Variants in SMG6 observed in about 807,000 individuals in gnomAD.
SMG6 encodes SMG6 nonsense mediated mRNA decay factor.
Under a neutral mutation model 142.2 loss-of-function variants are expected in SMG6, and 66 were observed. The ratio of observed to expected loss-of-function variants is 0.46; its 90% CI spans 0.38 to 0.57. The LOEUF (loss-of-function observed/expected upper bound fraction) is 0.57, where lower values mean the gene tolerates loss of function less well. Ranked by LOEUF, SMG6 falls within the 20% of genes least tolerant of loss-of-function variation. The probability of loss-of-function intolerance (pLI) is 0.00; values close to 1 mark genes in which losing one functional copy is unlikely to be tolerated. For synonymous variants in SMG6, 779 were observed against 702.4 expected (o/e 1.11, Z -1.72); for missense variants, 1,793 against 1,832.0 (o/e 0.98, Z 0.39).
chr17:2,298,502 G>A (rs974538926), intron 2 of SMG6, among the ~76,000 whole-genome samples: 1 of 152,038 alleles, frequency 6.6e-6, no homozygotes, highest in Non-Finnish European at 1.5e-5. Context: ...GGCGGATCAC[G>A]AGGTCAGGAG....
chr17:2,156,649 T>C (rs551526987), intron 13 of SMG6, among the ~76,000 whole-genome samples: 1 of 150,028 alleles, frequency 6.7e-6, no homozygotes, highest in Admixed American at 6.7e-5. Context: ...CTCTGTTTTG[T>C]TTTTTTTTGC....
chr17:2,067,744 G>GT (rs2067991427), intron 16 of SMG6, among the ~76,000 whole-genome samples: 1 of 152,180 alleles, frequency 6.6e-6, no homozygotes, highest in Non-Finnish European at 1.5e-5. Flanking sequence ...GTGCTAACGT[G>GT]TTTCCCACAA....
intron 15 of SMG6, among the ~76,000 whole-genome samples, chr17:2,079,939 G>A (rs2068366517): frequency 6.6e-6 from 1 of 151,910 alleles, no homozygotes; most frequent in South Asian, 2.1e-4. Context: ...GCTGGGTATG[G>A]TGGCAGGCGC....
chr17:2,097,129 T>C (rs749361173), intron 13 of SMG6, among the ~76,000 whole-genome samples: 7 of 152,020 alleles, frequency 4.6e-5, no homozygotes, highest in Non-Finnish European at 8.8e-5. Flanking sequence ...TTACTTAACA[T>C]TGAAGAAATA....
intron 10 of SMG6, among the ~76,000 whole-genome samples, chr17:2,204,854 T>C (rs1478482888): frequency 2.0e-5 from 3 of 151,984 alleles, no homozygotes; most frequent in Non-Finnish European, 4.4e-5. Flanking sequence ...CCCCAGCTAA[T>C]CAGGAGGCTT....
At chr17:2,264,346 G>C (rs1490708447) in intron 8 of SMG6, among the ~76,000 whole-genome samples, 4 of 152,178 alleles carry the variant, frequency 2.6e-5, no homozygotes, top group East Asian at 1.9e-4. Context: ...CAGAGTTCTG[G>C]CTTAAGTCGG....
At chr17:2,091,697 G>A (rs1339340021) in intron 13 of SMG6, among the ~76,000 whole-genome samples, 2 of 147,158 alleles carry the variant, frequency 1.4e-5, no homozygotes, top group East Asian at 2.0e-4. Context: ...TTGAGAGAGA[G>A]TCTCGCTCTG....
At chr17:2,229,830 C>A (rs1375869214) in intron 10 of SMG6, among the ~76,000 whole-genome samples, 1 of 152,118 alleles carries the variant, frequency 6.6e-6, no homozygotes, top group African/African-American at 2.4e-5. Context: ...CTGGCCTGAG[C>A]CCCACACCCA....
At chr17:2,260,602 A>G (rs1445711700) in intron 8 of SMG6, among the ~76,000 whole-genome samples, 1 of 152,200 alleles carries the variant, frequency 6.6e-6, no homozygotes, top group Non-Finnish European at 1.5e-5. Context: ...AAGGATCCAC[A>G]AAGCAAGGAA....
intron 13 of SMG6, among the ~76,000 whole-genome samples, chr17:2,156,678 A>G (rs1357462380): frequency 1.3e-5 from 2 of 152,038 alleles, no homozygotes; most frequent in African/African-American, 4.8e-5. Context: ...TTTTTGAGAC[A>G]GGGTCTTGCT....
chr17:2,176,379 T>C (rs1296309348), intron 12 of SMG6, among the ~76,000 whole-genome samples: 1 of 152,192 alleles, frequency 6.6e-6, no homozygotes, highest in Non-Finnish European at 1.5e-5. Flanking sequence ...CAGCTGCCAA[T>C]CTTTTGGAAA....
chr17:2,254,523 C>T (rs112258894), intron 8 of SMG6, among the ~76,000 whole-genome samples: 39,276 of 151,932 alleles, frequency 0.26, 6,556 homozygotes, highest in Admixed American at 0.36. Context: ...TTAGTAGAGA[C>T]GGGGTTTTGC....
intron 10 of SMG6, among the ~76,000 whole-genome samples, chr17:2,222,064 T>A (rs2073185034): frequency 6.6e-6 from 1 of 152,216 alleles, no homozygotes; most frequent in South Asian, 2.1e-4. Context: ...GAACTTGATA[T>A]AACGCATGTT....
intron 13 of SMG6, among the ~76,000 whole-genome samples, chr17:2,089,512 G>C (rs937190284): frequency 3.9e-5 from 6 of 152,228 alleles, no homozygotes; most frequent in African/African-American, 1.4e-4. Flanking sequence ...ATCAGCTTGG[G>C]AAAGAAAACT....
chr17:2,131,730 T>C (rs1048504303), intron 13 of SMG6, among the ~76,000 whole-genome samples: 35 of 152,204 alleles, frequency 2.3e-4, no homozygotes, highest in African/African-American at 8.4e-4. Context: ...ACAATGCACA[T>C]AGCTGACAAA....
intron 15 of SMG6, among the ~76,000 whole-genome samples, chr17:2,080,378 A>C (rs1454601259): frequency 6.6e-6 from 1 of 152,078 alleles, no homozygotes; most frequent in East Asian, 1.9e-4. Context: ...AGATCATGCC[A>C]CTGGACTCCA....
At position 2,060,817 on chromosome 17, in the gene SMG6, G is replaced by A. The variant is rs561159404; in HGVS notation, c.*675C>T. ...GACTGTCCACGGGGACGCAACTGGC[G>A]AAGTGTGAGGGACCCAGGTTGATAA... On this transcript the variant is annotated 3_prime_UTR_variant, in exon 19 of 19. Coordinates refer to ENST00000263073, the MANE Select transcript of SMG6 (RefSeq NM_017575.5). 279 of 152,860 alleles carry A rather than the reference G, an allele frequency of 1.8e-3. 2 individuals are homozygous for A. The highest frequency in any genetic ancestry group is 2.4e-3 in the African/African-American group (101 of 41,570). The allele number at this position is 152,860 out of a possible 1,614,324, so 9.5% of individuals were successfully genotyped here. A position where few individuals can be genotyped will look rare whatever the true frequency, so the allele number is the denominator to read the frequency against.
At chr17:2,301,174 A>T (rs1171513251) in intron 1 of SMG6, among the ~76,000 whole-genome samples, 2 of 152,234 alleles carry the variant, frequency 1.3e-5, no homozygotes, top group Non-Finnish European at 2.9e-5. Context: ...GTATTATAAC[A>T]ATTATCAGTC....
intron 10 of SMG6, among the ~76,000 whole-genome samples, chr17:2,224,625 TGTC>T (rs1486251758): frequency 6.6e-6 from 1 of 152,056 alleles, no homozygotes; most frequent in East Asian, 1.9e-4. Context: ...GCCTGATGTA[TGTC>T]TTATCAGGGT....
Sources: gnomAD v4.1 joint callset for allele counts (sites outside exome capture counted in the v4.1 genomes callset) on GRCh38, gnomAD v4.1.1 for gene constraint, MANE v1.5 for transcripts, NCBI Gene and HGNC (gene_info 2026-07-23, HGNC 2026-07-21) for gene names.